SPATS2L: variants seen among roughly 807,000 people sequenced by gnomAD.
SPATS2L encodes the protein spermatogenesis associated serine rich 2 like, also known as SPATS2-like protein.
A neutral mutation model predicts 59.6 loss-of-function variants in SPATS2L; 30 were observed. The observed-to-expected ratio is 0.50, with a 90% CI of 0.38 to 0.68. The LOEUF (loss-of-function observed/expected upper bound fraction) is 0.68. Among genes scored for constraint, SPATS2L ranks in the 30% least tolerant of loss-of-function variants. SPATS2L has a pLI of 0.00. For missense variants in SPATS2L, 615 were observed against 700.0 expected (o/e 0.88, Z 1.37); for synonymous variants, 252 against 263.5 (o/e 0.96, Z 0.42).
At chr2:200,316,771 G>A (rs2079394644) in intron 1 of SPATS2L, among the ~76,000 whole-genome samples, 1 of 152,126 alleles carries the variant, frequency 6.6e-6, no homozygotes, top group African/African-American at 2.4e-5. Context: ...CCCTAGGGTT[G>A]GGCCACTGCT....
chr2:200,430,214 A>G (rs77446939), intron 6 of SPATS2L, among the ~76,000 whole-genome samples: 3,838 of 152,302 alleles, frequency 0.025, 68 homozygotes, highest in Middle Eastern at 0.061. Context: ...ATGGGCACTC[A>G]CACAATCCTT....
chr2:200,416,172 TA>T (rs1188003905), intron 4 of SPATS2L, among the ~76,000 whole-genome samples: 1 of 145,712 alleles, frequency 6.9e-6, no homozygotes, highest in Non-Finnish European at 1.5e-5. Flanking sequence ...AATATTTTGA[TA>T]AAACCAAGAT....
intron 3 of SPATS2L, among the ~76,000 whole-genome samples, chr2:200,391,862 A>G (rs931441698): frequency 6.6e-6 from 1 of 152,146 alleles, no homozygotes; most frequent in Non-Finnish European, 1.5e-5. Flanking sequence ...AAATGACCCC[A>G]AGACACAGAA....
chr2:200,314,997 A>G (rs1230072844), intron 1 of SPATS2L, among the ~76,000 whole-genome samples: 1 of 152,228 alleles, frequency 6.6e-6, no homozygotes, highest in Admixed American at 6.5e-5. Context: ...GGACGTTACC[A>G]TGCGACATAA....
chr2:200,388,084 T>A (rs565064034), intron 2 of SPATS2L, among the ~76,000 whole-genome samples: 1 of 152,272 alleles, frequency 6.6e-6, no homozygotes, highest in East Asian at 1.9e-4. Flanking sequence ...AAATGGAGAT[T>A]ATGAAATTAT....
At chr2:200,470,675 G>A (rs2086959475) in intron 11 of SPATS2L, among the ~76,000 whole-genome samples, 1 of 152,204 alleles carries the variant, frequency 6.6e-6, no homozygotes. Flanking sequence ...AGTCAATGAC[G>A]TGGAAACCCA....
intron 3 of SPATS2L, among the ~76,000 whole-genome samples, chr2:200,393,606 A>T (rs941002215): frequency 6.6e-6 from 1 of 152,232 alleles, no homozygotes; most frequent in Non-Finnish European, 1.5e-5. Flanking sequence ...TAGATTTCTC[A>T]ACTCAATGAA....
chr2:200,473,369 C>G (rs2087230560), intron 12 of SPATS2L, among the ~76,000 whole-genome samples: 1 of 152,174 alleles, frequency 6.6e-6, no homozygotes, highest in African/African-American at 2.4e-5. Flanking sequence ...CCCTGGGGCC[C>G]CGAAACCAGC....
At chr2:200,403,102 C>T (rs558837843) in intron 3 of SPATS2L, among the ~76,000 whole-genome samples, 1 of 152,304 alleles carries the variant, frequency 6.6e-6, no homozygotes, top group Admixed American at 6.5e-5. Context: ...AGCAAGTAAC[C>T]TGCATTTGAC....
At chr2:200,414,713 T>C (rs1198545115) in intron 4 of SPATS2L, among the ~76,000 whole-genome samples, 1 of 152,158 alleles carries the variant, frequency 6.6e-6, no homozygotes, top group African/African-American at 2.4e-5. Context: ...TTATGAGGCA[T>C]ACAGAAAGCG....
chr2:200,473,985 G>A lies in SPATS2L; in HGVS notation c.1281+933G>A, dbSNP rs192330257. Among the ~76,000 whole-genome samples the A allele has an allele frequency of 1.1e-3, 165 of 151,954 alleles. 1 individual carries two copies. Among genetic ancestry groups the A allele is most frequent in the Admixed American group, 2.5e-3 (38 of 15,258 alleles). On this transcript the variant is annotated intron_variant, in intron 12 of 12. Transcript: ENST00000409140. The stretch of plus-strand genomic sequence containing the variant: ...ACTGCCCTTCAGCCTGGGCAACAGA[G>A]TGAGACTCCATCTCAAAAAAAAATA...
chr2:200,323,924 G>T (rs1343087961), intron 1 of SPATS2L, among the ~76,000 whole-genome samples: 1 of 152,204 alleles, frequency 6.6e-6, no homozygotes, highest in Non-Finnish European at 1.5e-5. Flanking sequence ...GACAGGAAAG[G>T]GAACGGGAAT....
intron 6 of SPATS2L, among the ~76,000 whole-genome samples, chr2:200,429,547 AT>A (rs1278410280): frequency 6.6e-6 from 1 of 151,234 alleles, no homozygotes; most frequent in East Asian, 2.0e-4. Flanking sequence ...GTGTAGATGG[AT>A]TGGAGCTGCT....
chr2:200,451,065 T>C (rs2085403329), intron 8 of SPATS2L, among the ~76,000 whole-genome samples: 1 of 152,222 alleles, frequency 6.6e-6, no homozygotes. Context: ...ACACCTGTTA[T>C]TCCAGCACTT....
At chr2:200,396,033 A>T (rs10182479) in intron 3 of SPATS2L, among the ~76,000 whole-genome samples, 189 of 20,960 alleles carry the variant, frequency 9.0e-3, no homozygotes, top group Non-Finnish European at 0.013. Context: ...AAAAAAAAAA[A>T]ATATATATAT....
At chr2:200,357,132 A>G (rs2080942141) in intron 2 of SPATS2L, among the ~76,000 whole-genome samples, 1 of 152,230 alleles carries the variant, frequency 6.6e-6, no homozygotes, top group Admixed American at 6.5e-5. Flanking sequence ...TATTTTCTTG[A>G]GAACTATAAT....
At chr2:200,369,493 G>A (rs3856513) in intron 2 of SPATS2L, among the ~76,000 whole-genome samples, 52,627 of 151,938 alleles carry the variant, frequency 0.35, 9,924 homozygotes, top group East Asian at 0.55. Context: ...AATGCAGGGA[G>A]AGGCCAATAA....
intron 8 of SPATS2L, among the ~76,000 whole-genome samples, chr2:200,452,206 GAACT>G (rs758439734): frequency 6.6e-6 from 1 of 152,108 alleles, no homozygotes; most frequent in Non-Finnish European, 1.5e-5. Context: ...AAAAGAAACT[GAACT>G]AATAAGTAAT....
intron 1 of SPATS2L, among the ~76,000 whole-genome samples, chr2:200,311,540 G>T (rs1022598680): frequency 2.0e-5 from 3 of 152,152 alleles, no homozygotes; most frequent in Admixed American, 2.0e-4. Context: ...CAGCTAATTG[G>T]CTCTAAAATT....
Sources: gnomAD v4.1 joint callset for allele counts (sites outside exome capture counted in the v4.1 genomes callset) on GRCh38, gnomAD v4.1.1 for gene constraint, MANE v1.5 for transcripts, NCBI Gene and HGNC (gene_info 2026-07-23, HGNC 2026-07-21) for gene names.